AHCYL2: variants seen among roughly 807,000 people sequenced by gnomAD.
The protein encoded by AHCYL2 is S-adenosylhomocysteine hydrolase-like protein 2.
Under a neutral mutation model 81.4 loss-of-function variants are expected in AHCYL2, and 28 were observed. The ratio of observed to expected loss-of-function variants is 0.34; its 90% CI spans 0.25 to 0.47. The LOEUF is 0.47. AHCYL2 is among the 20% of genes least tolerant of loss of function. The pLI, the probability that AHCYL2 is intolerant of heterozygous loss-of-function variation, is 1.00. For missense variants in AHCYL2, 551 were observed against 785.1 expected, an observed-to-expected ratio of 0.70 and a Z score of 3.56; for synonymous variants, 272 against 290.2, an observed-to-expected ratio of 0.94 and a Z score of 0.64.
At chr7:129,424,090 G>T (rs1314413593) in intron 13 of AHCYL2, among the ~76,000 whole-genome samples, 1 of 152,016 alleles carries the variant, frequency 6.6e-6, no homozygotes, top group Non-Finnish European at 1.5e-5. Flanking sequence ...GGCATTGGGG[G>T]CAATTTCTAG....
At chr7:129,394,876 G>A (rs1795650840) in intron 4 of AHCYL2, among the ~76,000 whole-genome samples, 1 of 151,990 alleles carries the variant, frequency 6.6e-6, no homozygotes, top group Non-Finnish European at 1.5e-5. Flanking sequence ...GCAAGATCCT[G>A]TGTATAAAAA....
chr7:129,401,415 AG>A (rs1796031009), intron 6 of AHCYL2, among the ~76,000 whole-genome samples: 1 of 149,022 alleles, frequency 6.7e-6, no homozygotes, highest in African/African-American at 2.5e-5. Flanking sequence ...CCCTAGGGGG[AG>A]GGGGCAGAAA....
intron 1 of AHCYL2, among the ~76,000 whole-genome samples, chr7:129,292,165 C>T (rs1331164523): frequency 6.6e-6 from 1 of 152,170 alleles, no homozygotes; most frequent in Non-Finnish European, 1.5e-5. Flanking sequence ...CTTACCATCA[C>T]TTTCCCTTTG....
At chr7:129,251,199 G>A (rs1405572081) in intron 1 of AHCYL2, among the ~76,000 whole-genome samples, 1 of 152,018 alleles carries the variant, frequency 6.6e-6, no homozygotes, top group Non-Finnish European at 1.5e-5. Context: ...TATATACCTT[G>A]ATTGGTAAGC....
intron 1 of AHCYL2, among the ~76,000 whole-genome samples, chr7:129,340,216 C>T (rs1252620483): frequency 6.7e-6 from 1 of 149,710 alleles, no homozygotes; most frequent in East Asian, 2.0e-4. Flanking sequence ...GCCACCGCGC[C>T]TGGCCCCTTT....
At chr7:129,359,487 A>G (rs1793857582) in intron 1 of AHCYL2, among the ~76,000 whole-genome samples, 1 of 152,212 alleles carries the variant, frequency 6.6e-6, no homozygotes. Flanking sequence ...GTACTTTTGT[A>G]ACTAAGTTAT....
At chr7:129,391,141 G>C (rs1416865349) in intron 4 of AHCYL2, among the ~76,000 whole-genome samples, 1 of 152,096 alleles carries the variant, frequency 6.6e-6, no homozygotes, top group Admixed American at 6.6e-5. Context: ...AGTATTATTT[G>C]AAGACAGAAA....
chr7:129,422,996 G>A, intron 13 of AHCYL2, 58 bp downstream of exon 13: 2 of 1,440,890 alleles, frequency 1.4e-6, no homozygotes, highest in Non-Finnish European at 1.9e-6. Flanking sequence ...CAATACCCAG[G>A]TCCCCTCCTC....
In AHCYL2 at chr7:129,428,938, T is replaced by A. The variant is rs1425456326; in HGVS notation, c.*1893T>A. ...TTTGCCTACCTAGTCCTGATTTTTG[T>A]ATTAATTGGTTCCCTTTAGCAAGGG... On this transcript the variant is annotated 3_prime_UTR_variant, in exon 17 of 17. Coordinates refer to ENST00000325006, the MANE Select transcript of AHCYL2 (RefSeq NM_015328.4). 2 of 152,244 alleles carry A rather than the reference T, an allele frequency of 1.3e-5. No homozygotes were observed. Among genetic ancestry groups the A allele is most frequent in the Non-Finnish European group, 2.9e-5 (2 of 68,044 alleles). 9.4% of individuals were successfully genotyped at this position (152,244 alleles called of 1,614,324 possible). A position where few individuals can be genotyped will look rare whatever the true frequency, so the allele number is the denominator to read the frequency against.
At chr7:129,249,639 A>G (rs997647685) in intron 1 of AHCYL2, among the ~76,000 whole-genome samples, 5 of 151,834 alleles carry the variant, frequency 3.3e-5, no homozygotes, top group South Asian at 2.1e-4. Flanking sequence ...GTTAGCCAGG[A>G]TGGTCTCGAT....
intron 1 of AHCYL2, among the ~76,000 whole-genome samples, chr7:129,289,839 G>A (rs1443046636): frequency 6.6e-6 from 1 of 151,094 alleles, no homozygotes; most frequent in Non-Finnish European, 1.5e-5. Flanking sequence ...CTGGAGTGCA[G>A]TGGTGCAATC....
Position 129,254,817 on chromosome 7 carries a change from G to C in AHCYL2, c.363+29378G>C, listed in dbSNP as rs992775984. Among the ~76,000 whole-genome samples the C allele has an allele frequency of 4.1e-4, 63 of 152,294 alleles. 2 individuals are homozygous for C. Among genetic ancestry groups the C allele is most frequent in the African/African-American group, 1.4e-3 (59 of 41,564 alleles). On this transcript the variant is annotated intron_variant, in intron 1 of 16. Coordinates refer to ENST00000325006, the MANE Select transcript of AHCYL2 (RefSeq NM_015328.4). ...CTATTGTCTCTGAGGGTAGGTCACA[G>C]GCTGTGATGGGGAAGAAGAAAAGCG...
intron 1 of AHCYL2, among the ~76,000 whole-genome samples, chr7:129,342,542 C>A (rs935271844): frequency 3.3e-5 from 5 of 152,060 alleles, no homozygotes; most frequent in Admixed American, 2.0e-4. Flanking sequence ...TTAGAGAATG[C>A]GGCTATGTAG....
intron 1 of AHCYL2, among the ~76,000 whole-genome samples, chr7:129,235,619 C>G (rs563318501): frequency 2.0e-5 from 3 of 152,094 alleles, no homozygotes; most frequent in Non-Finnish European, 4.4e-5. Context: ...GATGGGGTTT[C>G]GCCATATTGC....
rs1209557219 is a variant in AHCYL2, at chr7:129,368,682, C to G, written c.364-10956C>G. Reference sequence around the variant, plus strand: ...CGTGGTTGGAAAAACAGTTATTACTCTACGTTCTGATTAGTTCCTAGGTAC... The same window carrying G: ...CGTGGTTGGAAAAACAGTTATTACTGTACGTTCTGATTAGTTCCTAGGTAC... On this transcript the variant is annotated intron_variant, in intron 1 of 16. Coordinates refer to ENST00000325006, the MANE Select transcript of AHCYL2 (RefSeq NM_015328.4). The surrounding 1 kb of genome is among the most constrained non-coding windows in gnomAD (Gnocchi z 4.4). 17 of 1,106,098 alleles carry G rather than the reference C, an allele frequency of 1.5e-5. No homozygotes were observed. Among genetic ancestry groups the G allele is most frequent in the Middle Eastern group, 2.0e-4 (1 of 5,048 alleles). 68.5% of individuals were successfully genotyped at this position (1,106,098 alleles called of 1,614,324 possible).
rs745835242 is a variant in AHCYL2 at position 129,230,811 on chromosome 7, T to C, written c.363+5372T>C. On this transcript the variant is annotated intron_variant, in intron 1 of 16. Coordinates refer to ENST00000325006, the MANE Select transcript of AHCYL2 (RefSeq NM_015328.4). ...TGGTCGTGAACTTCTGACCTCGTGA[T>C]CCACCTGCCTCAGCCTCCCAAAGTG... 8.8e-4 allele frequency among the ~76,000 whole-genome samples: 134 copies of C among 152,192 alleles called. 1 individual carries two copies. Among genetic ancestry groups the C allele is most frequent in the Non-Finnish European group, 1.0e-3 (71 of 67,994 alleles).
chr7:129,362,613 T>G lies in AHCYL2; in HGVS notation c.364-17025T>G, dbSNP rs1166214033. Among the ~76,000 whole-genome samples, 14 of 146,368 alleles carry G rather than the reference T, an allele frequency of 9.6e-5. 1 individual carries two copies. The South Asian group carries it at 1.1e-3, about 12-fold the overall frequency. ...GGTTTTCTTGTTTTTTTTTTTTTTT[T>G]TTTTTTTTTTTATGGTCTCAGAGAA... On this transcript the variant is annotated intron_variant, in intron 1 of 16. Transcript: ENST00000325006.
Position 129,368,368 on chromosome 7 carries a change from C to T in AHCYL2, c.364-11270C>T. 6.6e-7 allele frequency: 1 copy of T among 1,524,286 alleles called. No individual in the cohort carries two copies. Among genetic ancestry groups the T allele is most frequent in the Non-Finnish European group, 8.8e-7 (1 of 1,136,638 alleles). The allele number at this position is 1,524,286 out of a possible 1,614,324, so 94.4% of individuals were successfully genotyped here. ...GCTGCTGTGAAAAGGGATGCAGCTT[C>T]TGCTAGCCACTGTGAACTTCTGAAT... On this transcript the variant is annotated intron_variant, in intron 1 of 16. Coordinates refer to ENST00000325006, the MANE Select transcript of AHCYL2 (RefSeq NM_015328.4). The surrounding 1 kb of genome is among the most constrained non-coding windows in gnomAD (Gnocchi z 4.4).
chr7:129,252,515 C>T (rs1022360009), intron 1 of AHCYL2, among the ~76,000 whole-genome samples: 1 of 152,162 alleles, frequency 6.6e-6, no homozygotes, highest in African/African-American at 2.4e-5. Context: ...CTCTGTAATC[C>T]CAGCACTTTG....
Sources: gnomAD v4.1 joint callset for allele counts (sites outside exome capture counted in the v4.1 genomes callset) on GRCh38, gnomAD v4.1.1 for gene constraint, Gnocchi (gnomAD v3.1) non-coding constraint, MANE v1.5 for transcripts, NCBI Gene and HGNC (gene_info 2026-07-23, HGNC 2026-07-21) for gene names.